Variants in ZHX1 observed in about 807,000 individuals in gnomAD.
ZHX1 encodes the protein zinc fingers and homeoboxes protein 1.
ZHX1 carries 20 observed loss-of-function variants against 61.8 expected under a neutral mutation model. The ratio of observed to expected loss-of-function variants is 0.32; its 90% confidence interval spans 0.23 to 0.47. The LOEUF is 0.47. ZHX1 is among the 20% of genes least tolerant of loss of function. The probability of loss-of-function intolerance (pLI) is 1.00; values close to 1 mark genes in which losing one functional copy is unlikely to be tolerated. For synonymous variants in ZHX1, 318 were observed against 352.6 expected (o/e 0.90, Z 1.10); for missense variants, 800 against 1,034.8 (o/e 0.77, Z 3.11).
intron 2 of ZHX1, among the ~76,000 whole-genome samples, chr8:123,266,713 C>A (rs1826471942): frequency 6.6e-6 from 1 of 152,004 alleles, no homozygotes. Context: ...AGCATGAAAA[C>A]CCAATCATCA....
At chr8:123,251,189 G>A (rs899719731) in intron 3 of ZHX1, among the ~76,000 whole-genome samples, 48 of 152,202 alleles carry the variant, frequency 3.2e-4, no homozygotes, top group Admixed American at 5.2e-4. Flanking sequence ...TCTCTCTCCT[G>A]TTCGGTCATG....
intron 1 of ZHX1, among the ~76,000 whole-genome samples, chr8:123,267,744 G>A (rs937474552): frequency 6.6e-6 from 1 of 152,184 alleles, no homozygotes; most frequent in Non-Finnish European, 1.5e-5. Flanking sequence ...GCTCACACCT[G>A]TAATCCCAGC....
intron 2 of ZHX1, among the ~76,000 whole-genome samples, chr8:123,257,939 A>C (rs1391820825): frequency 6.6e-6 from 1 of 152,202 alleles, no homozygotes; most frequent in Non-Finnish European, 1.5e-5. Flanking sequence ...CATACTGTAC[A>C]TGGCAGAGTA....
At chr8:123,260,896 C>T (rs1172651041) in intron 2 of ZHX1, among the ~76,000 whole-genome samples, 2 of 151,682 alleles carry the variant, frequency 1.3e-5, no homozygotes, top group Non-Finnish European at 2.9e-5. Flanking sequence ...GTGGTGGGCG[C>T]CTGTAATCCC....
At chr8:123,264,870 T>G (rs1039751575) in intron 2 of ZHX1, among the ~76,000 whole-genome samples, 10 of 150,294 alleles carry the variant, frequency 6.7e-5, no homozygotes, top group African/African-American at 2.4e-4. Context: ...CAAACTTTGT[T>G]TTTTACAACA....
Position 123,250,114 on chromosome 8 carries a change from G to T in ZHX1, c.*210C>A. On this transcript the variant is annotated 3_prime_UTR_variant, in exon 4 of 4. Coordinates refer to ENST00000395571, the MANE Select transcript of ZHX1 (RefSeq NM_007222.5). ...ATTTTTACAAGTTGTTTTTTAATTA[G>T]TGTTCTATTTACATTGCAGAACTTC... 1 of 365,442 alleles carries T rather than the reference G, an allele frequency of 2.7e-6. No individual in the cohort carries two copies. Among genetic ancestry groups the T allele is most frequent in the Non-Finnish European group, 5.4e-6 (1 of 183,778 alleles). 22.6% of individuals were successfully genotyped at this position (365,442 alleles called of 1,614,324 possible).
chr8:123,259,887 C>G (rs961292409), intron 2 of ZHX1, among the ~76,000 whole-genome samples: 8 of 152,200 alleles, frequency 5.3e-5, no homozygotes, highest in Non-Finnish European at 1.2e-4. Context: ...CGGCCAGGCA[C>G]AGTGGCTCAC....
Position 123,255,173 on chromosome 8 carries a change from A to G in ZHX1, c.774T>C (p.Pro258=), listed in dbSNP as rs752779223. Residue 258 remains proline (P), a synonymous_variant, in exon 3 of 4, where the codon CCT becomes CCC. Transcript: ENST00000395571. ...STVVTPAAVL[P]GLAQVITAVS... ...CAGCAGTTATCACCTGTGCCAATCC[A>G]GGAAGAACTGCTGCTGGTGTCACTA... is the stretch of plus-strand genomic sequence containing the variant. 4 of 1,614,206 alleles carry G rather than the reference A, an allele frequency of 2.5e-6. No individual in the cohort carries two copies. Among genetic ancestry groups the G allele is most frequent in the Non-Finnish European group, 2.5e-6 (3 of 1,180,022 alleles).
intron 1 of ZHX1, among the ~76,000 whole-genome samples, chr8:123,272,603 CA>C (rs1357318613): frequency 6.6e-6 from 1 of 152,186 alleles, no homozygotes; most frequent in Non-Finnish European, 1.5e-5. Flanking sequence ...GACATAAAAA[CA>C]AATGACTTTT....
chr8:123,260,589 C>T (rs1826218848), intron 2 of ZHX1, among the ~76,000 whole-genome samples: 1 of 150,912 alleles, frequency 6.6e-6, no homozygotes, highest in South Asian at 2.1e-4. Flanking sequence ...CAGAGCAACA[C>T]TCCATCTCAA....
intron 3 of ZHX1, among the ~76,000 whole-genome samples, chr8:123,251,953 T>G (rs1825931006): frequency 6.6e-6 from 1 of 152,284 alleles, no homozygotes; most frequent in South Asian, 2.1e-4. Context: ...CTGGTACATA[T>G]TAAGCTCTCT....
chr8:123,262,921 T>C (rs1453364489), intron 2 of ZHX1: 2 of 136,522 alleles, frequency 1.5e-5, no homozygotes, highest in Non-Finnish European at 3.1e-5. Flanking sequence ...AAGGATGACA[T>C]GCAAATTTGT....
intron 1 of ZHX1, among the ~76,000 whole-genome samples, chr8:123,273,191 G>T (rs1202840334): frequency 3.3e-5 from 5 of 152,166 alleles, no homozygotes. Context: ...CAGGGGCTAT[G>T]CTCTTTCCTT....
At chr8:123,259,031 C>T (rs1471478056) in intron 2 of ZHX1, among the ~76,000 whole-genome samples, 1 of 152,152 alleles carries the variant, frequency 6.6e-6, no homozygotes, top group African/African-American at 2.4e-5. Flanking sequence ...AATGGAGAGA[C>T]ATTTTTAGGA....
Position 123,254,213 on chromosome 8 carries a change from C to T in ZHX1, c.1734G>A (p.Glu578=). 6.2e-7 allele frequency: 1 copy of T among 1,614,180 alleles called. No individual in the cohort carries two copies. The highest frequency in any genetic ancestry group is 8.5e-7 in the Non-Finnish European group (1 of 1,180,014). ...AACTTGCCTGAAGGACACGAAGCTG[C>T]TCTGCAGTTTTCTCTTTAAACTTTT... ...TPQKFKEKTA[E]QLRVLQASFL... Residue 578 remains glutamate (E), a synonymous_variant, in exon 3 of 4, where the codon GAG becomes GAA. Coordinates refer to ENST00000395571, the MANE Select transcript of ZHX1 (RefSeq NM_007222.5). The surrounding 1 kb of genome is among the most constrained non-coding windows in gnomAD (Gnocchi z 4.1).
Position 123,254,183 on chromosome 8 carries a change from G to A in ZHX1, c.1764C>T (p.Leu588=), listed in dbSNP as rs1214112943. ...EQLRVLQASF[L]NSSVLTDEEL... ...CTTCATCTGTAAGTACAGAGCTGTT[G>A]AGAAAACTTGCCTGAAGGACACGAA... Residue 588 remains leucine, a synonymous_variant, in exon 3 of 4, where the codon CTC becomes CTT. Coordinates refer to ENST00000395571, the MANE Select transcript of ZHX1 (RefSeq NM_007222.5). This position sits in a 1 kb window ranked among gnomAD's most constrained non-coding sequence, Gnocchi z 4.1. 6.2e-7 allele frequency: 1 copy of A among 1,614,100 alleles called. No individual in the cohort carries two copies. Among genetic ancestry groups the A allele is most frequent in the Non-Finnish European group, 8.5e-7 (1 of 1,180,016 alleles).
chr8:123,254,019 T>G lies in ZHX1; in HGVS notation c.1928A>C (p.Glu643Ala). The part of the protein sequence containing the change: ...DESNAGSSKE[E>A]AGETSPADES... Reference sequence around the variant, plus strand: ...ATCTGCAGGAGAAGTTTCTCCAGCTTCTTCTTTGGAACTACCTGCATTACT... The same window carrying G: ...ATCTGCAGGAGAAGTTTCTCCAGCTGCTTCTTTGGAACTACCTGCATTACT... The change falls in exon 3 of 4, where the codon GAA (glutamate) becomes GCA (alanine). Residue 643 changes from glutamate to alanine, a missense_variant. Glu to Ala is a moderately radical substitution (Grantham distance 107, BLOSUM62 -1). Transcript: ENST00000395571. This position sits in a 1 kb window ranked among gnomAD's most constrained non-coding sequence, Gnocchi z 4.1. The G allele has an allele frequency of 6.2e-7, 1 of 1,614,142 alleles. No individual in the cohort carries two copies. The highest frequency in any genetic ancestry group is 8.5e-7 in the Non-Finnish European group (1 of 1,180,024).
Position 123,253,936 on chromosome 8 carries a change from G to A in ZHX1, c.2011C>T (p.Gln671Ter). ...TGKICKKTPE[Q>*]LHMLKSAFVR... ...AATGCACTCTTAAGCATGTGCAGCT[G>A]CTCAGGTGTTTTTTTACATATCTTG... is the stretch of plus-strand genomic sequence containing the variant. Residue 671 changes from glutamine to a stop codon, truncating the protein, a stop_gained, in exon 3 of 4, where the codon CAG becomes TAG. Coordinates refer to ENST00000395571, the MANE Select transcript of ZHX1 (RefSeq NM_007222.5). LOFTEE classifies it high-confidence loss of function. 1 of 1,614,198 alleles carries A rather than the reference G, an allele frequency of 6.2e-7. No individual in the cohort carries two copies. Among genetic ancestry groups the A allele is most frequent in the Non-Finnish European group, 8.5e-7 (1 of 1,180,028 alleles).
intron 3 of ZHX1, chr8:123,253,075 A>G (rs2131187423): frequency 2.7e-6 from 1 of 366,652 alleles, no homozygotes; most frequent in African/African-American, 2.1e-5. Context: ...CCTTCAAAAC[A>G]AAGTAAAAAA....
Sources: gnomAD v4.1 joint callset for allele counts (sites outside exome capture counted in the v4.1 genomes callset) on GRCh38, gnomAD v4.1.1 for gene constraint, Gnocchi (gnomAD v3.1) non-coding constraint, MANE v1.5 for transcripts, NCBI Gene and HGNC (gene_info 2026-07-23, HGNC 2026-07-21) for gene names.